Variants in GRIA4 observed in about 807,000 individuals in gnomAD.
The protein encoded by GRIA4 is glutamate receptor 4.
In GRIA4, 34 loss-of-function variants were observed where a neutral mutation model predicts 104.0. The ratio of observed to expected loss-of-function variants is 0.33; its 90% CI spans 0.25 to 0.44. The LOEUF (loss-of-function observed/expected upper bound fraction) is 0.44, where lower values mean the gene tolerates loss of function less well. Ranked by LOEUF, GRIA4 falls within the 20% of genes least tolerant of loss-of-function variation. The probability of loss-of-function intolerance (pLI) is 1.00; values close to 1 mark genes in which losing one functional copy is unlikely to be tolerated. For synonymous variants in GRIA4, 386 were observed against 381.9 expected, an observed-to-expected ratio of 1.01 and a Z score of -0.13; for missense variants, 750 against 1,096.5, an observed-to-expected ratio of 0.68 and a Z score of 4.46.
chr11:105,899,758 G>T lies in GRIA4; in HGVS notation c.885+1331G>T, dbSNP rs950612438. 5.9e-5 allele frequency among the ~76,000 whole-genome samples: 9 copies of T among 152,016 alleles called. No homozygotes were observed. The East Asian group carries it at 1.2e-3, about 20-fold the overall frequency. ...ATTCAGTATATAACCTTGTTTTATG[G>T]GTGTTTGTGTTTAAAGAAACCTTAT... On this transcript the variant is annotated intron_variant, in intron 7 of 16. Transcript: ENST00000282499.
At chr11:105,822,209 T>C (rs1943599570) in intron 4 of GRIA4, among the ~76,000 whole-genome samples, 1 of 152,038 alleles carries the variant, frequency 6.6e-6, no homozygotes, top group Non-Finnish European at 1.5e-5. Flanking sequence ...ATAATCAAGA[T>C]AAAGTTTAAA....
chr11:105,791,493 T>A (rs1383618270), intron 4 of GRIA4, among the ~76,000 whole-genome samples: 1 of 152,196 alleles, frequency 6.6e-6, no homozygotes, highest in Non-Finnish European at 1.5e-5. Context: ...GCTTCCATAT[T>A]CATCGTTAAT....
chr11:105,702,101 T>A (rs1953517536), intron 3 of GRIA4, among the ~76,000 whole-genome samples: 1 of 152,080 alleles, frequency 6.6e-6, no homozygotes, highest in African/African-American at 2.4e-5. Flanking sequence ...ATCTGGCTAA[T>A]TTTAAAAATG....
At chr11:105,754,180 T>C (rs1228516170) in intron 4 of GRIA4, among the ~76,000 whole-genome samples, 3 of 152,072 alleles carry the variant, frequency 2.0e-5, no homozygotes, top group Admixed American at 2.0e-4. Context: ...AGTTATCTCA[T>C]TAGCACACTA....
At chr11:105,873,890 T>A (rs1267899727) in intron 5 of GRIA4, among the ~76,000 whole-genome samples, 1 of 152,200 alleles carries the variant, frequency 6.6e-6, no homozygotes, top group Non-Finnish European at 1.5e-5. Context: ...GATGATAGTT[T>A]CTTTTGCTCT....
intron 12 of GRIA4, 27 bp from the exon 13 acceptor site, chr11:105,926,714 A>T: frequency 7.0e-7 from 1 of 1,436,340 alleles, no homozygotes; most frequent in Non-Finnish European, 9.8e-7. Flanking sequence ...AAGAAAGGAA[A>T]ATGTGCATTA....
chr11:105,762,508 A>C (rs1940710757), intron 4 of GRIA4, among the ~76,000 whole-genome samples: 1 of 152,074 alleles, frequency 6.6e-6, no homozygotes, highest in South Asian at 2.1e-4. Flanking sequence ...TTTTGGAAAT[A>C]TTTACTTGCC....
At chr11:105,965,347 C>T (rs751855728) in intron 14 of GRIA4, among the ~76,000 whole-genome samples, 1 of 150,708 alleles carries the variant, frequency 6.6e-6, no homozygotes, top group Non-Finnish European at 1.5e-5. Context: ...AGAATTTTTC[C>T]CTAGAGCTGC....
At chr11:105,764,902 AAGGT>A (rs1456580517) in intron 4 of GRIA4, among the ~76,000 whole-genome samples, 1 of 152,168 alleles carries the variant, frequency 6.6e-6, no homozygotes, top group Non-Finnish European at 1.5e-5. Context: ...ACATGGGAAC[AAGGT>A]AGATTTACCC....
At chr11:105,626,785 A>C (rs1950897463) in intron 3 of GRIA4, among the ~76,000 whole-genome samples, 1 of 151,992 alleles carries the variant, frequency 6.6e-6, no homozygotes, top group Admixed American at 6.6e-5. Flanking sequence ...TTTTATTTTT[A>C]TTATTTTGTT....
At chr11:105,639,129 T>G (rs752514814) in intron 3 of GRIA4, among the ~76,000 whole-genome samples, 3 of 152,116 alleles carry the variant, frequency 2.0e-5, no homozygotes, top group Non-Finnish European at 4.4e-5. Context: ...CTTAATCACA[T>G]TAACTCCATG....
intron 14 of GRIA4, among the ~76,000 whole-genome samples, chr11:105,960,871 G>A (rs982851541): frequency 6.6e-6 from 1 of 152,164 alleles, no homozygotes; most frequent in Admixed American, 6.5e-5. Context: ...GTGGAGAGGA[G>A]GTTCCCCTTC....
intron 3 of GRIA4, among the ~76,000 whole-genome samples, chr11:105,661,536 A>C (rs1952010134): frequency 6.6e-6 from 1 of 151,754 alleles, no homozygotes; most frequent in African/African-American, 2.4e-5. Context: ...CAAGAAATGC[A>C]TTTTGTTAGA....
Position 105,746,371 on chromosome 11 carries a change from T to C in GRIA4, c.248-6610T>C, listed in dbSNP as rs1939656885. 2.6e-5 allele frequency among the ~76,000 whole-genome samples: 4 copies of C among 151,038 alleles called. No individual in the cohort carries two copies. The South Asian group carries it at 8.3e-4, about 31-fold the overall frequency. Reference sequence around the variant, plus strand: ...ATGCTATTGTTAGAGATAGGCAACATCAAAAATAATTACAACAAATATTGT... The same window carrying C: ...ATGCTATTGTTAGAGATAGGCAACACCAAAAATAATTACAACAAATATTGT... On this transcript the variant is annotated intron_variant, in intron 3 of 16. Coordinates refer to ENST00000282499, the MANE Select transcript of GRIA4 (RefSeq NM_000829.4).
At chr11:105,978,100 T>C (rs866686576) in intron 16 of GRIA4, among the ~76,000 whole-genome samples, 7 of 152,170 alleles carry the variant, frequency 4.6e-5, no homozygotes, top group Middle Eastern at 6.8e-3. Context: ...GTTTGATAAA[T>C]TATGAATAAT....
intron 3 of GRIA4, among the ~76,000 whole-genome samples, chr11:105,663,181 C>A (rs908987519): frequency 1.1e-4 from 5 of 44,908 alleles, no homozygotes; most frequent in African/African-American, 2.7e-4. Context: ...ACTTTATTAC[C>A]AAGTTCATTG....
intron 5 of GRIA4, among the ~76,000 whole-genome samples, chr11:105,875,913 T>A (rs2136064899): frequency 6.6e-6 from 1 of 152,300 alleles, no homozygotes; most frequent in Admixed American, 6.5e-5. Flanking sequence ...CTCTGTCTCC[T>A]TCAGTTCTGC....
At chr11:105,962,736 A>G (rs1215667683) in intron 14 of GRIA4, among the ~76,000 whole-genome samples, 1 of 152,182 alleles carries the variant, frequency 6.6e-6, no homozygotes. Flanking sequence ...GTCATTGTCA[A>G]CACATCTGGT....
chr11:105,765,397 G>GT (rs1940885198), intron 4 of GRIA4, among the ~76,000 whole-genome samples: 1 of 152,336 alleles, frequency 6.6e-6, no homozygotes, highest in African/African-American at 2.4e-5. Flanking sequence ...GTTAAAGTAT[G>GT]TAAGAGTCAT....
Sources: allele counts gnomAD v4.1 joint callset (sites outside exome capture counted in the v4.1 genomes callset), GRCh38; gene constraint gnomAD v4.1.1; transcripts MANE v1.5; gene names NCBI Gene and HGNC (gene_info 2026-07-23, HGNC 2026-07-21).